KCNJ1: variants seen among roughly 807,000 people sequenced by gnomAD.
KCNJ1 encodes the protein potassium inwardly rectifying channel subfamily J member 1.
KCNJ1 carries 24 observed loss-of-function variants against 21.9 expected under a neutral mutation model. The observed-to-expected ratio is 1.10, with a 90% CI of 0.79 to 1.54. The LOEUF (loss-of-function observed/expected upper bound fraction) is 1.54, where lower values mean the gene tolerates loss of function less well. KCNJ1 is among the 40% of genes most tolerant of loss of function. The pLI is 0.00. For missense variants in KCNJ1, 457 were observed against 455.4 expected, an observed-to-expected ratio of 1.00 and a Z score of -0.03; for synonymous variants, 152 against 160.9, an observed-to-expected ratio of 0.94 and a Z score of 0.42.
chr11:128,840,728 T>C (rs751110447), intron 2 of KCNJ1, among the ~76,000 whole-genome samples: 9 of 152,244 alleles, frequency 5.9e-5, no homozygotes, highest in Non-Finnish European at 1.2e-4. Context: ...AATGAATAAC[T>C]GACCAATAAA....
intron 1 of KCNJ1, among the ~76,000 whole-genome samples, chr11:128,852,227 C>A (rs1317360449): frequency 1.3e-5 from 2 of 152,196 alleles, no homozygotes; most frequent in Non-Finnish European, 2.9e-5. Context: ...ACGTGCAACT[C>A]CAGTTTCTCC....
chr11:128,849,484 G>T (rs539573411), intron 2 of KCNJ1, among the ~76,000 whole-genome samples: 1 of 152,194 alleles, frequency 6.6e-6, no homozygotes, highest in East Asian at 1.9e-4. Flanking sequence ...GGGTTTTGCA[G>T]CATCTACAAA....
intron 1 of KCNJ1, among the ~76,000 whole-genome samples, chr11:128,852,152 G>A (rs1296574425): frequency 1.3e-5 from 2 of 152,194 alleles, no homozygotes; most frequent in East Asian, 1.9e-4. Flanking sequence ...ACAGATGGAT[G>A]GAAAGAGCTT....
At chr11:128,842,531 G>C in intron 2 of KCNJ1, 1 of 1,574,390 alleles carries the variant, frequency 6.4e-7, no homozygotes, top group Non-Finnish European at 8.6e-7. Context: ...ACGCTAATTT[G>C]TGTAAACTTG....
At chr11:128,845,316 T>C (rs1385124737) in intron 2 of KCNJ1, among the ~76,000 whole-genome samples, 2 of 152,246 alleles carry the variant, frequency 1.3e-5, no homozygotes, top group East Asian at 3.8e-4. Context: ...TTGAAATGAT[T>C]GAGGACACGA....
At position 128,839,129 on chromosome 11, in the gene KCNJ1, A is replaced by G; in HGVS notation, c.1115T>C (p.Met372Thr). Reference protein sequence around the residue: ...SEVNETDDTKM With the variant: ...SEVNETDDTKT ...ACTCCCGTTGAAAAGCCACTGTTAC[A>G]TTTTGGTGTCATCTGTTTCATTGAC... Residue 372 changes from methionine to threonine, a missense_variant, in exon 3 of 3, where the codon ATG becomes ACG. By Grantham distance (81) the Met-to-Thr change is moderately conservative. Coordinates refer to ENST00000392666, the MANE Select transcript of KCNJ1 (RefSeq NM_153766.3). The G allele has an allele frequency of 6.2e-7, 1 of 1,613,448 alleles. No individual in the cohort carries two copies. The highest frequency in any genetic ancestry group is 8.5e-7 in the Non-Finnish European group (1 of 1,179,922).
intron 2 of KCNJ1, among the ~76,000 whole-genome samples, chr11:128,847,567 T>C (rs1013369780): frequency 1.3e-5 from 2 of 152,200 alleles, no homozygotes; most frequent in Non-Finnish European, 1.5e-5. Context: ...AAGTTCGGCT[T>C]TTGAATTCTA....
At chr11:128,864,068 T>C (rs1375983147) in intron 1 of KCNJ1, among the ~76,000 whole-genome samples, 11 of 146,306 alleles carry the variant, frequency 7.5e-5, no homozygotes, top group Non-Finnish European at 9.0e-5. Context: ...TTTTTTCTTT[T>C]TCTCTCTTTT....
chr11:128,863,621 G>A (rs888578265), intron 1 of KCNJ1, among the ~76,000 whole-genome samples: 1 of 152,176 alleles, frequency 6.6e-6, no homozygotes, highest in African/African-American at 2.4e-5. Flanking sequence ...GAGTGAGCTG[G>A]ATTTGATGAG....
In KCNJ1 at chr11:128,839,905, A is replaced by C. The variant is rs1565522416; in HGVS notation, c.339T>G (p.Phe113Leu). ...VENINGLTSA[F>L]LFSLETQVTI... ...TCACTTGAGTCTCCAGAGAAAACAG[A>C]AAAGCTGAGGTCAAGCCATTAATAT... Residue 113 changes from phenylalanine (F) to leucine (L), a missense_variant, in exon 3 of 3, where the codon TTT becomes TTG. Physicochemically the swap from Phe to Leu is conservative, Grantham distance 22. Coordinates refer to ENST00000392666, the MANE Select transcript of KCNJ1 (RefSeq NM_153766.3). The C allele has an allele frequency of 6.2e-7, 1 of 1,614,204 alleles. No homozygotes were observed. The highest frequency in any genetic ancestry group is 2.2e-5 in the East Asian group (1 of 44,890).
chr11:128,845,973 A>G (rs1943373056), intron 2 of KCNJ1, among the ~76,000 whole-genome samples: 1 of 151,916 alleles, frequency 6.6e-6, no homozygotes, highest in African/African-American at 2.4e-5. Context: ...TGGTGTTGGT[A>G]CTCTCAGGAG....
intron 1 of KCNJ1, chr11:128,866,527 T>G: frequency 8.2e-6 from 8 of 975,692 alleles, no homozygotes; most frequent in Non-Finnish European, 9.7e-6. Flanking sequence ...CCATACCTGT[T>G]CAGAGCAGAG....
Position 128,839,367 on chromosome 11 carries a change from T to C in KCNJ1, c.877A>G (p.Thr293Ala), listed in dbSNP as rs370582178. ...AGCACCTCCTCTGGGACATAGGATG[T>C]CCGGACTTGGCAGGTAGCACTGGTG... is the stretch of plus-strand genomic sequence containing the variant. ...ESTSATCQVR[T>A]SYVPEEVLWG... Residue 293 changes from threonine to alanine, a missense_variant, in exon 3 of 3, where the codon ACA (threonine) becomes GCA (alanine). Coordinates refer to ENST00000392666, the MANE Select transcript of KCNJ1 (RefSeq NM_153766.3). 6.2e-7 allele frequency: 1 copy of C among 1,614,196 alleles called. No individual in the cohort carries two copies. Among genetic ancestry groups the C allele is most frequent in the Non-Finnish European group, 8.5e-7 (1 of 1,180,026 alleles).
At position 128,850,680 on chromosome 11, in the gene KCNJ1, G is replaced by A. The variant is rs796129455; in HGVS notation, c.-22+41C>T. The stretch of plus-strand genomic sequence containing the variant: ...TGCTTACCTAGCTTTCTTGTAGCCT[G>A]GGGTGTCCAATAGTTGCTTATTGAA... On this transcript the variant is annotated intron_variant, in intron 2 of 2. Coordinates refer to ENST00000392666, the MANE Select transcript of KCNJ1 (RefSeq NM_153766.3). 68 of 922,218 alleles carry A rather than the reference G, an allele frequency of 7.4e-5. 1 individual carries two copies. In the African/African-American group the frequency reaches 1.2e-3, roughly 16 times the overall value. The allele number at this position is 922,218 out of a possible 1,614,324, so 57.1% of individuals were successfully genotyped here. A position where few individuals can be genotyped will look rare whatever the true frequency, so the allele number is the denominator to read the frequency against.
chr11:128,842,792 A>G (rs1663458425), intron 2 of KCNJ1, among the ~76,000 whole-genome samples: 1 of 152,170 alleles, frequency 6.6e-6, no homozygotes, highest in South Asian at 2.1e-4. Context: ...TGTGCCTAAT[A>G]ACAACTGGCC....
At chr11:128,847,227 C>G (rs933832111) in intron 2 of KCNJ1, among the ~76,000 whole-genome samples, 2 of 152,218 alleles carry the variant, frequency 1.3e-5, no homozygotes, top group Admixed American at 1.3e-4. Flanking sequence ...CCAAAACCCT[C>G]TCAGTGAGAC....
intron 1 of KCNJ1, among the ~76,000 whole-genome samples, chr11:128,855,148 T>C (rs557034944): frequency 6.6e-6 from 1 of 152,294 alleles, no homozygotes; most frequent in African/African-American, 2.4e-5. Flanking sequence ...ACCCTGGAGC[T>C]CATTGTGAGC....
chr11:128,854,250 T>C (rs1943539995), intron 1 of KCNJ1, among the ~76,000 whole-genome samples: 1 of 152,160 alleles, frequency 6.6e-6, no homozygotes, highest in Non-Finnish European at 1.5e-5. Context: ...GGGAGCTCGG[T>C]TTCTTTTCTC....
chr11:128,851,681 G>A (rs1432031797), intron 1 of KCNJ1, among the ~76,000 whole-genome samples: 1 of 151,906 alleles, frequency 6.6e-6, no homozygotes, highest in Admixed American at 6.5e-5. Context: ...GAAAGGAATG[G>A]ATTCCATGTG....
Sources: gnomAD v4.1 joint callset for allele counts (sites outside exome capture counted in the v4.1 genomes callset) on GRCh38, gnomAD v4.1.1 for gene constraint, MANE v1.5 for transcripts, NCBI Gene and HGNC (gene_info 2026-07-23, HGNC 2026-07-21) for gene names.